CTNNA2: variants seen among roughly 807,000 people sequenced by gnomAD.
The protein encoded by CTNNA2 is catenin alpha 2, also known as catenin alpha-2.
Under a neutral mutation model 101.0 loss-of-function variants are expected in CTNNA2, and 42 were observed. The observed-to-expected ratio is 0.42, with a 90% CI of 0.32 to 0.54. CTNNA2 has a LOEUF of 0.54. Among genes scored for constraint, CTNNA2 ranks in the 20% least tolerant of loss-of-function variants. The pLI, the probability that CTNNA2 is intolerant of heterozygous loss-of-function variation, is 0.14. For synonymous variants in CTNNA2, 450 were observed against 456.4 expected (o/e 0.99, Z 0.18); for missense variants, 871 against 1,223.1 (o/e 0.71, Z 4.29).
chr2:80,175,820 C>T (rs889633551), intron 7 of CTNNA2, among the ~76,000 whole-genome samples: 1 of 152,178 alleles, frequency 6.6e-6, no homozygotes, highest in Non-Finnish European at 1.5e-5. Context: ...CTCGGCAAGC[C>T]ACTGGTTTAG....
intron 2 of CTNNA2, among the ~76,000 whole-genome samples, chr2:79,285,178 A>G (rs1387330629): frequency 1.3e-5 from 2 of 151,296 alleles, no homozygotes; most frequent in Non-Finnish European, 2.9e-5. Context: ...CGGTCTATCA[A>G]TTTTGTTGAT....
intron 7 of CTNNA2, among the ~76,000 whole-genome samples, chr2:80,191,577 A>G (rs1381545612): frequency 6.6e-6 from 1 of 152,234 alleles, no homozygotes; most frequent in Non-Finnish European, 1.5e-5. Flanking sequence ...GAAATCAAGT[A>G]ATCTCAGTAT....
chr2:80,181,324 G>A (rs11689979), intron 7 of CTNNA2, among the ~76,000 whole-genome samples: 56,410 of 151,898 alleles, frequency 0.37, 12,809 homozygotes, highest in Non-Finnish European at 0.52. Flanking sequence ...GCCACCACTG[G>A]GGGTGGGAAG....
intron 3 of CTNNA2, among the ~76,000 whole-genome samples, chr2:79,332,080 G>C (rs9309548): frequency 0.053 from 8,015 of 152,160 alleles, 303 homozygotes; most frequent in Non-Finnish European, 0.081. Flanking sequence ...TTGCGAGATG[G>C]GGTTAGGGAT....
intron 7 of CTNNA2, among the ~76,000 whole-genome samples, chr2:79,987,989 G>C (rs1003730327): frequency 8.5e-5 from 13 of 152,236 alleles, no homozygotes; most frequent in African/African-American, 3.1e-4. Context: ...TTTAAGGGAA[G>C]TTGGGACAGA....
chr2:80,351,624 G>A (rs1353545720), intron 7 of CTNNA2, among the ~76,000 whole-genome samples: 1 of 152,060 alleles, frequency 6.6e-6, no homozygotes, highest in Non-Finnish European at 1.5e-5. Flanking sequence ...AATTTAATTT[G>A]CTTTAACATG....
At chr2:79,600,033 G>A (rs763384294) in intron 1 of CTNNA2, among the ~76,000 whole-genome samples, 3 of 152,040 alleles carry the variant, frequency 2.0e-5, no homozygotes, top group Non-Finnish European at 4.4e-5. Flanking sequence ...AGACAGATTA[G>A]GCTAATTTTC....
intron 2 of CTNNA2, among the ~76,000 whole-genome samples, chr2:79,256,980 GATAAACGTATTTACTC>G (rs1674854450): frequency 6.6e-6 from 1 of 152,122 alleles, no homozygotes; most frequent in Admixed American, 6.6e-5. Flanking sequence ...ACTACAAAAA[GATAAACGTATTTACTC>G]ATGGAATAAG....
intron 7 of CTNNA2, among the ~76,000 whole-genome samples, chr2:80,073,771 CTT>C (rs1698506347): frequency 1.4e-5 from 2 of 146,386 alleles, no homozygotes; most frequent in Non-Finnish European, 3.0e-5. Context: ...CACACACACA[CTT>C]ATAGGATTGG....
chr2:79,997,280 A>G (rs1055991610), intron 7 of CTNNA2, among the ~76,000 whole-genome samples: 1 of 151,390 alleles, frequency 6.6e-6, no homozygotes, highest in African/African-American at 2.4e-5. Flanking sequence ...CTTTTCTACT[A>G]TGTTTATTTC....
At chr2:79,991,232 G>C (rs1266225520) in intron 7 of CTNNA2, among the ~76,000 whole-genome samples, 1 of 151,980 alleles carries the variant, frequency 6.6e-6, no homozygotes, top group Non-Finnish European at 1.5e-5. Context: ...CCAGCTCCTG[G>C]ATTCATTGAA....
intron 18 of CTNNA2, among the ~76,000 whole-genome samples, chr2:80,639,761 T>G (rs886894781): frequency 3.9e-5 from 6 of 152,152 alleles, no homozygotes; most frequent in African/African-American, 1.4e-4. Context: ...AATATGTCTG[T>G]AAAATCAGCT....
At chr2:79,219,563 G>A (rs921674654) in intron 2 of CTNNA2, among the ~76,000 whole-genome samples, 3 of 152,098 alleles carry the variant, frequency 2.0e-5, no homozygotes, top group African/African-American at 7.2e-5. Flanking sequence ...CTGCTTGTAC[G>A]CAGGAATACC....
At chr2:79,614,903 C>A (rs1678516839) in intron 1 of CTNNA2, among the ~76,000 whole-genome samples, 1 of 152,090 alleles carries the variant, frequency 6.6e-6, no homozygotes, top group Non-Finnish European at 1.5e-5. Flanking sequence ...CAAATTTGGG[C>A]AAACCTCTAT....
At chr2:80,142,343 T>A (rs1406761614) in intron 7 of CTNNA2, among the ~76,000 whole-genome samples, 2 of 152,176 alleles carry the variant, frequency 1.3e-5, no homozygotes. Context: ...AATGCCTCAC[T>A]TTCTCTCACT....
chr2:80,095,948 A>T (rs1385499058), intron 7 of CTNNA2, among the ~76,000 whole-genome samples: 1 of 152,154 alleles, frequency 6.6e-6, no homozygotes, highest in Non-Finnish European at 1.5e-5. Flanking sequence ...TCTTTTCAAA[A>T]AACCAGCTCC....
intron 3 of CTNNA2, among the ~76,000 whole-genome samples, chr2:79,785,854 T>A (rs1674797055): frequency 6.6e-6 from 1 of 152,172 alleles, no homozygotes; most frequent in South Asian, 2.1e-4. Flanking sequence ...TATTTCTAAC[T>A]TTGTAAGTAT....
At chr2:79,363,615 T>C (rs192640993) in intron 3 of CTNNA2, among the ~76,000 whole-genome samples, 76 of 152,234 alleles carry the variant, frequency 5.0e-4, no homozygotes, top group African/African-American at 1.6e-3. Flanking sequence ...CCTCTTATAT[T>C]GTATATAATC....
chr2:80,557,098 A>G (rs1384222200), intron 12 of CTNNA2, among the ~76,000 whole-genome samples: 2 of 152,240 alleles, frequency 1.3e-5, no homozygotes, highest in Non-Finnish European at 2.9e-5. Context: ...TCTCTTTAAA[A>G]TATAAGCAGA....
Sources: allele counts gnomAD v4.1 joint callset (sites outside exome capture counted in the v4.1 genomes callset), GRCh38; gene constraint gnomAD v4.1.1; transcripts MANE v1.5; gene names NCBI Gene and HGNC (gene_info 2026-07-23, HGNC 2026-07-21).